PRODH2: variants seen among roughly 807,000 people sequenced by gnomAD.
The protein encoded by PRODH2 is hydroxyproline dehydrogenase.
A neutral mutation model predicts 51.9 loss-of-function variants in PRODH2; 49 were observed. That is an observed-to-expected ratio of 0.94 (90% confidence interval 0.75 to 1.20). PRODH2 has a LOEUF of 1.20. Ranked by LOEUF, PRODH2 falls within the 50% of genes most tolerant of loss-of-function variation. The pLI is 0.00. For synonymous variants in PRODH2, 249 were observed against 260.7 expected, an observed-to-expected ratio of 0.96 and a Z score of 0.43; for missense variants, 597 against 610.9, an observed-to-expected ratio of 0.98 and a Z score of 0.24.
Position 35,806,710 on chromosome 19 carries a change from G to A in PRODH2, c.799C>T (p.Pro267Ser). ...VRWNSPGEGGPWVWNTYQACL... is the reference protein window; with the variant it reads ...VRWNSPGEGGSWVWNTYQACL... ...GCCTGGTAGGTGTTCCACACCCAGG[G>A]CCCGCCTTCACCCGGGCTGTTCCAG... Residue 267 changes from proline to serine, a missense_variant, in exon 6 of 10, where the codon CCC becomes TCC. Physicochemically the swap from Pro to Ser is moderately conservative, Grantham distance 74. Transcript: ENST00000653904. The A allele has an allele frequency of 6.2e-7, 1 of 1,614,128 alleles. No individual in the cohort carries two copies. Among genetic ancestry groups the A allele is most frequent in the Non-Finnish European group, 8.5e-7 (1 of 1,180,024 alleles).
At position 35,812,698 on chromosome 19, in the gene PRODH2, C is replaced by T. The variant is rs764295000; in HGVS notation, c.108G>A (p.Glu36=). 4.7e-5 allele frequency: 75 copies of T among 1,609,934 alleles called. No individual in the cohort carries two copies. The highest frequency in any genetic ancestry group is 6.2e-5 in the Non-Finnish European group (73 of 1,177,402). ...GGAGAACCAGCAAGGCCCGTGTCAG[C>T]TCTCCTGTGCCCTTAAGGTGGAAGG... ...GGAFHLKGTG[E]LTRALLVLRL... The change falls in exon 1 of 10, where the codon GAG becomes GAA. Residue 36 remains glutamate (E), a synonymous_variant. Transcript: ENST00000653904.
intron 7 of PRODH2, among the ~76,000 whole-genome samples, chr19:35,804,607 C>T (rs889760780): frequency 3.9e-5 from 6 of 152,182 alleles, no homozygotes; most frequent in Non-Finnish European, 2.9e-5. Flanking sequence ...GCTCCAGAGC[C>T]CAGGCTCCTT....
In PRODH2 at chr19:35,804,620, C is replaced by T. The variant is rs549333217; in HGVS notation, c.1002-1542G>A. On this transcript the variant is annotated intron_variant, in intron 7 of 9. Transcript: ENST00000653904. Reference sequence around the variant, plus strand: ...ATGCTCCAGAGCCCAGGCTCCTTATCGGTAGGCTAGTCTGCCTTTAAAATG... The same window carrying T: ...ATGCTCCAGAGCCCAGGCTCCTTATTGGTAGGCTAGTCTGCCTTTAAAATG... Among the ~76,000 whole-genome samples the T allele has an allele frequency of 1.4e-4, 21 of 152,304 alleles. No homozygotes were observed. The East Asian group carries it at 3.3e-3, about 24-fold the overall frequency.
At position 35,812,248 on chromosome 19, in the gene PRODH2, G is replaced by A. The variant is rs142614019; in HGVS notation, c.396C>T (p.Leu132=). ...GGTCCACACACCGCAGCATAGCACC[G>A]AGGTTCCCCTCATACCACGCCTCAC... ...KSGEAWYEGN[L]GAMLRCVDLS... is the part of the protein sequence containing the mutation. Residue 132 remains leucine, a synonymous_variant, in exon 3 of 10, where the codon CTC becomes CTT. Transcript: ENST00000653904. 36 of 1,613,506 alleles carry A rather than the reference G, an allele frequency of 2.2e-5. No individual in the cohort carries two copies. The highest frequency in any genetic ancestry group is 4.5e-5 in the East Asian group (2 of 44,894).
chr19:35,808,786 TCC>T (rs1972553139), intron 4 of PRODH2, among the ~76,000 whole-genome samples: 1 of 139,310 alleles, frequency 7.2e-6, no homozygotes, highest in African/African-American at 2.6e-5. Flanking sequence ...CCTCCCTCCC[TCC>T]TTCCCTCCCT....
chr19:35,805,260 T>C (rs1972493565), intron 7 of PRODH2, among the ~76,000 whole-genome samples: 1 of 152,096 alleles, frequency 6.6e-6, no homozygotes, highest in African/African-American at 2.4e-5. Context: ...TTTAAAATAA[T>C]AGTGCAAATT....
At chr19:35,810,483 G>C (rs1161908167) in intron 4 of PRODH2, among the ~76,000 whole-genome samples, 3 of 151,458 alleles carry the variant, frequency 2.0e-5, no homozygotes, top group Non-Finnish European at 4.4e-5. Flanking sequence ...TGGTGGCTCA[G>C]CCCATAATCC....
Position 35,800,238 on chromosome 19 carries a change from G to C in PRODH2, c.1199-16C>G. On this transcript the variant is annotated splice_polypyrimidine_tract_variant and intron_variant, in intron 9 of 9. Coordinates refer to ENST00000653904, the MANE Select transcript of PRODH2 (RefSeq NM_021232.2). ...CCGGCCTGCCCTGCAGGGAGAGTGG[G>C]TTTTGTTTTTTCGTTTTTGGTGTTT... 13 of 1,528,698 alleles carry C rather than the reference G, an allele frequency of 8.5e-6. No homozygotes were observed. Among genetic ancestry groups the C allele is most frequent in the Non-Finnish European group, 1.1e-5 (13 of 1,134,538 alleles). The allele number at this position is 1,528,698 out of a possible 1,614,324, so 94.7% of individuals were successfully genotyped here.
At position 35,803,181 on chromosome 19, in the gene PRODH2, ACT is replaced by A. The variant is rs978083194; in HGVS notation, c.1002-105_1002-104del. On this transcript the variant is annotated intron_variant, in intron 7 of 9. Transcript: ENST00000653904. ...TAAGCAAGGGGTCTCTGGAACCAGT[ACT>A]CTGTTCCATCTGCACCAGTTGTAAG... The A allele has an allele frequency of 3.6e-5, 23 of 643,904 alleles. No individual in the cohort carries two copies. The African/African-American group carries it at 4.0e-4, about 11-fold the overall frequency. 39.9% of individuals were successfully genotyped at this position (643,904 alleles called of 1,614,324 possible).
At chr19:35,801,228 G>C (rs1160046786) in intron 9 of PRODH2, among the ~76,000 whole-genome samples, 2 of 152,100 alleles carry the variant, frequency 1.3e-5, no homozygotes, top group African/African-American at 4.8e-5. Flanking sequence ...AACTCTGGGA[G>C]GCCAAGGCAG....
Position 35,812,622 on chromosome 19 carries a change from C to G in PRODH2, c.174+10G>C, listed in dbSNP as rs752811873. 1.3e-6 allele frequency: 2 copies of G among 1,593,230 alleles called. No individual in the cohort carries two copies. Among genetic ancestry groups the G allele is most frequent in the Admixed American group, 3.4e-5 (2 of 58,576 alleles). ...GAGCCTCCAGGCTGGTCCTCAGGAT[C>G]ACTGCTCACCAACAGCCCGTGAGTG... On this transcript the variant is annotated intron_variant, in intron 1 of 9. Coordinates refer to ENST00000653904, the MANE Select transcript of PRODH2 (RefSeq NM_021232.2).
chr19:35,806,074 T>TGTTTGTTA (rs1972506654), intron 7 of PRODH2, among the ~76,000 whole-genome samples: 1 of 149,874 alleles, frequency 6.7e-6, no homozygotes, highest in Admixed American at 6.7e-5. Context: ...TGTTTTGTTT[T>TGTTTGTTA]GTTTGTTTGT....
Position 35,803,050 on chromosome 19 carries a change from T to C in PRODH2, c.1030A>G (p.Thr344Ala). 1 of 1,562,464 alleles carries C rather than the reference T, an allele frequency of 6.4e-7. No individual in the cohort carries two copies. The highest frequency in any genetic ancestry group is 8.7e-7 in the Non-Finnish European group (1 of 1,149,794). The part of the protein sequence containing the change: ...SYSRCLELML[T>A]HVARHGPMCH... ...ATGGGGCCATGGCGGGCCACGTGCG[T>C]CAGCATCAGTTCCAGGCAGCGGCTG... Residue 344 changes from threonine to alanine, a missense_variant, in exon 8 of 10, where the codon ACG (threonine) becomes GCG (alanine). Transcript: ENST00000653904.
Position 35,812,753 on chromosome 19 carries a change from C to A in PRODH2, c.53G>T (p.Gly18Val). 1.2e-6 allele frequency: 2 copies of A among 1,610,000 alleles called. No individual in the cohort carries two copies. The highest frequency in any genetic ancestry group is 1.7e-6 in the Non-Finnish European group (2 of 1,177,436). ...LCSQAGPPSR[G>V]WQSLSFDGGA... ...GCCATCAAAGCTCAGGGACTGCCAG[C>A]CCCTGGAGGGGGGACCAGCTTGGGA... Residue 18 changes from glycine to valine, a missense_variant, in exon 1 of 10, where the codon GGC (glycine) becomes GTC (valine). Coordinates refer to ENST00000653904, the MANE Select transcript of PRODH2 (RefSeq NM_021232.2).
intron 9 of PRODH2, among the ~76,000 whole-genome samples, chr19:35,801,265 A>G (rs1463319174): frequency 1.3e-5 from 2 of 151,894 alleles, no homozygotes; most frequent in Non-Finnish European, 2.9e-5. Flanking sequence ...CAGGAGTTTG[A>G]GACCAGCCTG....
intron 7 of PRODH2, among the ~76,000 whole-genome samples, chr19:35,803,676 C>A (rs1035495710): frequency 6.6e-6 from 1 of 152,196 alleles, no homozygotes; most frequent in African/African-American, 2.4e-5. Flanking sequence ...GGTCGCATCA[C>A]ATGCACAAGA....
chr19:35,806,831 C>G lies in PRODH2; in HGVS notation c.679-1G>C. The stretch of plus-strand genomic sequence containing the variant: ...GCCGCACGTGCTGGGCCCGGGCATA[C>G]TGATGGCGACAGAGACGACGGTCAG... On this transcript the variant is annotated splice_acceptor_variant, in intron 5 of 9. Coordinates refer to ENST00000653904, the MANE Select transcript of PRODH2 (RefSeq NM_021232.2). LOFTEE classifies it high-confidence loss of function. The G allele has an allele frequency of 1.3e-6, 2 of 1,599,552 alleles. No homozygotes were observed. Among genetic ancestry groups the G allele is most frequent in the South Asian group, 2.2e-5 (2 of 89,300 alleles).
intron 4 of PRODH2, 103 bp from the exon 5 acceptor site, chr19:35,807,224 A>T: frequency 9.0e-7 from 1 of 1,112,870 alleles, no homozygotes; most frequent in Non-Finnish European, 1.3e-6. Flanking sequence ...TTATGAGCCT[A>T]GAATCAGGGC....
At chr19:35,801,856 T>G in intron 9 of PRODH2, 1 of 273,766 alleles carries the variant, frequency 3.7e-6, no homozygotes, top group Admixed American at 4.6e-5. Flanking sequence ...AGTGGGGTGT[T>G]TCAAGAAACC....
Sources: allele counts gnomAD v4.1 joint callset (sites outside exome capture counted in the v4.1 genomes callset), GRCh38; gene constraint gnomAD v4.1.1; transcripts MANE v1.5; gene names NCBI Gene and HGNC (gene_info 2026-07-23, HGNC 2026-07-21).